Variants in OCA2 observed in about 807,000 individuals in gnomAD.
OCA2 encodes P protein.
A neutral mutation model predicts 100.2 loss-of-function variants in OCA2; 77 were observed. That is an observed-to-expected ratio of 0.77 (90% CI 0.64 to 0.93). OCA2 has a LOEUF of 0.93. Ranked by LOEUF, OCA2 falls within the 40% of genes least tolerant of loss-of-function variation. The pLI is 0.00. For missense variants in OCA2, 1,062 were observed against 1,089.1 expected, an observed-to-expected ratio of 0.98 and a Z score of 0.35; for synonymous variants, 432 against 439.2, an observed-to-expected ratio of 0.98 and a Z score of 0.21.
the OCA2 span, among the ~76,000 whole-genome samples, chr15:27,725,131 A>T: frequency 2.0e-5 from 3 of 152,182 alleles, no homozygotes; most frequent in African/African-American, 7.2e-5. Flanking sequence ...GCAGTGGGAG[A>T]CAGAGGAGCA....
intron 14 of OCA2, among the ~76,000 whole-genome samples, chr15:27,982,263 G>T (rs1004996642): frequency 3.9e-5 from 6 of 152,178 alleles, no homozygotes; most frequent in African/African-American, 1.4e-4. Flanking sequence ...GTATGTGCAT[G>T]TGCATGTCTG....
chr15:27,849,921 C>T (rs376127852), intron 22 of OCA2, among the ~76,000 whole-genome samples: 10 of 152,166 alleles, frequency 6.6e-5, no homozygotes, highest in Admixed American at 2.0e-4. Flanking sequence ...CACAACTGCA[C>T]TCCTGCCGTG....
At chr15:27,887,530 C>T (rs2037275587) in intron 19 of OCA2, among the ~76,000 whole-genome samples, 1 of 151,376 alleles carries the variant, frequency 6.6e-6, no homozygotes, top group Non-Finnish European at 1.5e-5. Context: ...CTACACCTCA[C>T]ACCTGGGATC....
In OCA2 at chr15:27,926,111, AG is replaced by A; in HGVS notation, c.2079+15del. 1.2e-6 allele frequency: 2 copies of A among 1,614,008 alleles called. No individual in the cohort carries two copies. Among genetic ancestry groups the A allele is most frequent in the Non-Finnish European group, 1.7e-6 (2 of 1,179,930 alleles). On this transcript the variant is annotated intron_variant, in intron 19 of 23. Transcript: ENST00000354638. ...ATCAGGTAAAATGCCATATGGCAAA[AG>A]TTCTAAAATCTTACCTCCATCAGAA...
intron 2 of OCA2, among the ~76,000 whole-genome samples, chr15:28,039,404 A>G (rs1221414179): frequency 6.6e-6 from 1 of 152,250 alleles, no homozygotes; most frequent in East Asian, 1.9e-4. Context: ...GTTAGGACAC[A>G]AGTTTTAATA....
At chr15:27,941,133 T>C (rs2039632184) in intron 18 of OCA2, among the ~76,000 whole-genome samples, 1 of 152,186 alleles carries the variant, frequency 6.6e-6, no homozygotes, top group Admixed American at 6.5e-5. Context: ...TTCTTATTAA[T>C]GCTAAGGGGA....
chr15:28,000,009 GAATT>G (rs113464702), intron 9 of OCA2, among the ~76,000 whole-genome samples: 4 of 152,260 alleles, frequency 2.6e-5, no homozygotes, highest in African/African-American at 9.6e-5. Flanking sequence ...TGGTTTGGAA[GAATT>G]AATATTGCTA....
At chr15:27,844,263 G>A (rs535423658) in intron 23 of OCA2, among the ~76,000 whole-genome samples, 26 of 152,246 alleles carry the variant, frequency 1.7e-4, no homozygotes, top group African/African-American at 6.0e-4. Context: ...AGAGAGGGAC[G>A]CCACTGCCAG....
intron 7 of OCA2, 24 bp downstream of exon 7, chr15:28,018,373 T>C: frequency 6.2e-7 from 1 of 1,612,048 alleles, no homozygotes. Context: ...TCACAATTCC[T>C]TTCAAATAAA....
At chr15:27,806,041 C>G (rs2033831640) in intron 23 of OCA2, among the ~76,000 whole-genome samples, 1 of 152,200 alleles carries the variant, frequency 6.6e-6, no homozygotes, top group Non-Finnish European at 1.5e-5. Flanking sequence ...AGGTTTGTGA[C>G]TATTTAGAAA....
intron 2 of OCA2, among the ~76,000 whole-genome samples, chr15:28,067,212 C>G (rs893041581): frequency 6.6e-6 from 1 of 152,206 alleles, no homozygotes; most frequent in South Asian, 2.1e-4. Flanking sequence ...ATCTTATAGA[C>G]TCAATGCCAT....
At position 27,983,327 on chromosome 15, in the gene OCA2, T is replaced by C; in HGVS notation, c.1503+18A>G. On this transcript the variant is annotated intron_variant, in intron 14 of 23. Transcript: ENST00000354638. ...GGTGTGCGTTTACTGGAAGCAACCCTAGCATGCTGGTACGTACCATCTTCC... is the reference window on the plus strand; with the variant it reads ...GGTGTGCGTTTACTGGAAGCAACCCCAGCATGCTGGTACGTACCATCTTCC... The C allele has an allele frequency of 6.2e-7, 1 of 1,614,038 alleles. No homozygotes were observed. Among genetic ancestry groups the C allele is most frequent in the Non-Finnish European group, 8.5e-7 (1 of 1,179,980 alleles).
intron 2 of OCA2, among the ~76,000 whole-genome samples, chr15:28,033,943 T>C (rs1055449114): frequency 1.3e-5 from 2 of 152,046 alleles, no homozygotes; most frequent in Non-Finnish European, 2.9e-5. Flanking sequence ...ACGGAGACGG[T>C]GACCTCCCTC....
At chr15:27,968,265 T>C (rs577393454) in intron 14 of OCA2, among the ~76,000 whole-genome samples, 1 of 151,766 alleles carries the variant, frequency 6.6e-6, no homozygotes, top group African/African-American at 2.4e-5. Flanking sequence ...TGGCAAGAAC[T>C]CAAGGTCTTT....
At chr15:27,920,959 T>C (rs2038834845) in intron 19 of OCA2, among the ~76,000 whole-genome samples, 1 of 151,936 alleles carries the variant, frequency 6.6e-6, no homozygotes, top group African/African-American at 2.4e-5. Context: ...CAAACCAACA[T>C]GTCTGTAATA....
In OCA2 at chr15:27,828,573, G is replaced by C. The variant is rs371709420; in HGVS notation, c.2432+16386C>G. The stretch of plus-strand genomic sequence containing the variant: ...TCAGCTGTTCTTTGTAAGTTCTTGA[G>C]GTCCTGTTGAGTGTAGCTAGAGAGT... On this transcript the variant is annotated intron_variant, in intron 23 of 23. Coordinates refer to ENST00000354638, the MANE Select transcript of OCA2 (RefSeq NM_000275.3). Among the ~76,000 whole-genome samples, 22 of 152,292 alleles carry C rather than the reference G, an allele frequency of 1.4e-4. No homozygotes were observed. In the East Asian group the frequency reaches 1.5e-3, roughly 11 times the overall value.
At chr15:27,848,192 C>A (rs1001505830) in intron 22 of OCA2, among the ~76,000 whole-genome samples, 6 of 152,336 alleles carry the variant, frequency 3.9e-5, no homozygotes, top group African/African-American at 1.4e-4. Context: ...CTATGCCAGT[C>A]CCTGGCCAGG....
At chr15:28,036,541 G>C (rs566313641) in intron 2 of OCA2, among the ~76,000 whole-genome samples, 1 of 152,208 alleles carries the variant, frequency 6.6e-6, no homozygotes, top group Non-Finnish European at 1.5e-5. Flanking sequence ...TTATTAATAA[G>C]ACAGGTTCAT....
chr15:28,014,899 G>A lies in OCA2; in HGVS notation c.921C>T (p.Ser307=). 6.2e-7 allele frequency: 1 copy of A among 1,614,158 alleles called. No individual in the cohort carries two copies. Among genetic ancestry groups the A allele is most frequent in the Non-Finnish European group, 8.5e-7 (1 of 1,180,034 alleles). The change falls in exon 9 of 24, where the codon TCC becomes TCT. Residue 307 remains serine, a synonymous_variant. Coordinates refer to ENST00000354638, the MANE Select transcript of OCA2 (RefSeq NM_000275.3). ...RETVSISIRA[S]LQQTQAVPLL... is the part of the protein sequence containing the mutation. ...GAGGGACAGCCTGGGTCTGCTGCAG[G>A]GAGGCCCGGATGCTGATGGACACCG...
Sources: gnomAD v4.1 joint callset for allele counts (sites outside exome capture counted in the v4.1 genomes callset) on GRCh38, gnomAD v4.1.1 for gene constraint, MANE v1.5 for transcripts, NCBI Gene and HGNC (gene_info 2026-07-23, HGNC 2026-07-21) for gene names.